Variants in PCDH15 observed in about 807,000 individuals in gnomAD.
PCDH15 encodes the protein protocadherin-15.
PCDH15 carries 129 observed loss-of-function variants against 178.5 expected under a neutral mutation model. The ratio of observed to expected loss-of-function variants is 0.72; its 90% confidence interval spans 0.63 to 0.84. PCDH15 has a LOEUF of 0.84. Among genes scored for constraint, PCDH15 ranks in the 40% least tolerant of loss-of-function variants. The pLI is 0.00. For missense variants in PCDH15, 2,230 were observed against 2,099.9 expected, an observed-to-expected ratio of 1.06 and a Z score of -1.21; for synonymous variants, 800 against 732.0, an observed-to-expected ratio of 1.09 and a Z score of -1.50.
intron 2 of PCDH15, among the ~76,000 whole-genome samples, chr10:55,417,139 C>T (rs369655204): frequency 2.0e-5 from 3 of 151,766 alleles, no homozygotes; most frequent in African/African-American, 7.2e-5. Flanking sequence ...TATTCAAATT[C>T]ATTCTCCATA....
At chr10:54,379,671 C>A (rs1005561341) in intron 3 of PCDH15, among the ~76,000 whole-genome samples, 6 of 152,034 alleles carry the variant, frequency 3.9e-5, no homozygotes, top group Admixed American at 3.9e-4. Flanking sequence ...TTAAAGATCC[C>A]ATGCATTTTA....
At chr10:54,925,127 G>A (rs1057033350) in intron 2 of PCDH15, among the ~76,000 whole-genome samples, 9 of 152,272 alleles carry the variant, frequency 5.9e-5, no homozygotes, top group South Asian at 2.1e-4. Context: ...TTTGTATGGT[G>A]TAAGGAAGGA....
chr10:55,591,416 C>T (rs1486869756), intron 2 of PCDH15, among the ~76,000 whole-genome samples: 10 of 151,574 alleles, frequency 6.6e-5, no homozygotes, highest in Non-Finnish European at 8.8e-5. Context: ...GCCTGGGTAA[C>T]GGAGTGAGAC....
chr10:54,929,017 T>C (rs530934029), intron 2 of PCDH15, among the ~76,000 whole-genome samples: 7 of 152,342 alleles, frequency 4.6e-5, no homozygotes, highest in African/African-American at 1.4e-4. Context: ...CTTTTTGAGT[T>C]GTTAGAGTTA....
intron 2 of PCDH15, among the ~76,000 whole-genome samples, chr10:54,640,189 A>T (rs2093957876): frequency 6.6e-6 from 1 of 152,222 alleles, no homozygotes; most frequent in Non-Finnish European, 1.5e-5. Flanking sequence ...GTGTAATTTG[A>T]TAATAAAGTT....
chr10:55,280,268 T>C (rs1296209900), intron 1 of PCDH15, among the ~76,000 whole-genome samples: 1 of 143,406 alleles, frequency 7.0e-6, no homozygotes, highest in Non-Finnish European at 1.5e-5. Context: ...TTATTTTGAT[T>C]CTTTTTTTTT....
At chr10:54,882,065 A>T (rs905153255) in intron 3 of PCDH15, among the ~76,000 whole-genome samples, 1 of 152,092 alleles carries the variant, frequency 6.6e-6, no homozygotes, top group Non-Finnish European at 1.5e-5. Flanking sequence ...CATTTGATGA[A>T]TGCCTACATC....
At chr10:55,121,391 G>A (rs1032450224) in intron 2 of PCDH15, among the ~76,000 whole-genome samples, 1 of 150,124 alleles carries the variant, frequency 6.7e-6, no homozygotes, top group African/African-American at 2.4e-5. Flanking sequence ...GATGACTTTT[G>A]CCTTGAGTTC....
intron 2 of PCDH15, among the ~76,000 whole-genome samples, chr10:54,925,664 T>C (rs1370399288): frequency 2.6e-5 from 4 of 152,158 alleles, no homozygotes; most frequent in African/African-American, 9.7e-5. Context: ...TTCACCTCCC[T>C]GGTTAGCTGT....
intron 2 of PCDH15, among the ~76,000 whole-genome samples, chr10:55,509,793 C>A (rs1041402006): frequency 1.3e-5 from 2 of 151,822 alleles, no homozygotes; most frequent in African/African-American, 4.8e-5. Flanking sequence ...GTAAGTTATA[C>A]GTCAGCAACA....
intron 3 of PCDH15, among the ~76,000 whole-genome samples, chr10:54,484,817 C>A (rs1309423926): frequency 6.6e-6 from 1 of 151,730 alleles, no homozygotes; most frequent in African/African-American, 2.4e-5. Context: ...TTACAAGAAG[C>A]CTTGTTTGAT....
intron 2 of PCDH15, among the ~76,000 whole-genome samples, chr10:54,939,297 A>G (rs1837994982): frequency 6.6e-6 from 1 of 151,098 alleles, no homozygotes; most frequent in Non-Finnish European, 1.5e-5. Context: ...GATTGAGACC[A>G]TCCTGGCTAC....
chr10:54,064,419 A>C (rs977619361), intron 18 of PCDH15, among the ~76,000 whole-genome samples: 1 of 152,108 alleles, frequency 6.6e-6, no homozygotes, highest in African/African-American at 2.4e-5. Flanking sequence ...ACTCCACTGG[A>C]ACTGATGGGC....
intron 10 of PCDH15, among the ~76,000 whole-genome samples, chr10:54,206,538 C>T (rs763369166): frequency 9.9e-5 from 15 of 152,092 alleles, no homozygotes; most frequent in Non-Finnish European, 1.9e-4. Flanking sequence ...TGATCCCATT[C>T]CCAGTTTTTT....
intron 2 of PCDH15, among the ~76,000 whole-genome samples, chr10:55,468,829 C>A (rs1839896049): frequency 1.3e-5 from 2 of 152,258 alleles, no homozygotes; most frequent in African/African-American, 4.8e-5. Flanking sequence ...TGAACTATAT[C>A]TCCAGCTTTA....
intron 2 of PCDH15, among the ~76,000 whole-genome samples, chr10:54,904,103 C>A (rs1019511032): frequency 6.6e-6 from 1 of 151,942 alleles, no homozygotes; most frequent in Non-Finnish European, 1.5e-5. Context: ...GTCAATGAAA[C>A]AATATCATGC....
chr10:54,489,579 G>C (rs1380516536), intron 3 of PCDH15, among the ~76,000 whole-genome samples: 1 of 152,038 alleles, frequency 6.6e-6, no homozygotes, highest in Non-Finnish European at 1.5e-5. Flanking sequence ...CTGGAGTGTA[G>C]AGTCTCTGAA....
chr10:55,540,494 A>G (rs1841733349), intron 2 of PCDH15, among the ~76,000 whole-genome samples: 1 of 152,096 alleles, frequency 6.6e-6, no homozygotes, highest in South Asian at 2.1e-4. Flanking sequence ...TAAAATCTCA[A>G]TGATCAGGCT....
intron 2 of PCDH15, among the ~76,000 whole-genome samples, chr10:54,988,407 C>T (rs2131913569): frequency 1.3e-5 from 2 of 152,196 alleles, no homozygotes; most frequent in Middle Eastern, 6.8e-3. Context: ...TCGGAGGGCT[C>T]AGAAGAAGAC....
Sources: gnomAD v4.1 joint callset for allele counts (sites outside exome capture counted in the v4.1 genomes callset) on GRCh38, gnomAD v4.1.1 for gene constraint, MANE v1.5 for transcripts, NCBI Gene and HGNC (gene_info 2026-07-23, HGNC 2026-07-21) for gene names.